CCDC167: variants seen among roughly 807,000 people sequenced by gnomAD.
CCDC167 encodes the protein coiled-coil domain containing 167, also known as coiled-coil domain-containing protein 167.
Under a neutral mutation model 12.7 loss-of-function variants are expected in CCDC167, and 15 were observed. The observed-to-expected ratio is 1.18, with a 90% confidence interval of 0.79 to 1.81. The LOEUF (loss-of-function observed/expected upper bound fraction) is 1.81, where lower values mean the gene tolerates loss of function less well. Ranked by LOEUF, CCDC167 falls within the 40% of genes most tolerant of loss-of-function variation. CCDC167 has a pLI of 0.00. For missense variants in CCDC167, 121 were observed against 120.1 expected, an observed-to-expected ratio of 1.01 and a Z score of -0.03; for synonymous variants, 52 against 49.0, an observed-to-expected ratio of 1.06 and a Z score of -0.26.
intron 1 of CCDC167, among the ~76,000 whole-genome samples, chr6:37,494,215 AC>A (rs941617399): frequency 8.6e-5 from 13 of 151,504 alleles, no homozygotes; most frequent in African/African-American, 3.1e-4. Context: ...ACAGGCATGT[AC>A]CCCCATGCCT....
At chr6:37,485,608 TAGAGTGGCGG>T (rs1344780700) in intron 1 of CCDC167, among the ~76,000 whole-genome samples, 1 of 152,238 alleles carries the variant, frequency 6.6e-6, no homozygotes, top group Non-Finnish European at 1.5e-5. Flanking sequence ...GGGCGTATCC[TAGAGTGGCGG>T]AGATGCTGTG....
At position 37,483,065 on chromosome 6, in the gene CCDC167, GA is replaced by G; in HGVS notation, c.*120del. Reference sequence around the variant, plus strand: ...CCTGGGCCGCCAGGAAGCCATGCTTGAACACTAGGTTGGGAGGGGAACACCC... The same window carrying G: ...CCTGGGCCGCCAGGAAGCCATGCTTGACACTAGGTTGGGAGGGGAACACCC... On this transcript the variant is annotated 3_prime_UTR_variant, in exon 4 of 4. Transcript: ENST00000373408. The G allele has an allele frequency of 1.2e-6, 1 of 827,120 alleles. No individual in the cohort carries two copies. The highest frequency in any genetic ancestry group is 2.1e-6 in the Non-Finnish European group (1 of 480,080). 51.2% of individuals were successfully genotyped at this position (827,120 alleles called of 1,614,324 possible). A position where few individuals can be genotyped will look rare whatever the true frequency, so the allele number is the denominator to read the frequency against.
At chr6:37,497,340 G>C (rs934754932) in intron 1 of CCDC167, among the ~76,000 whole-genome samples, 6 of 152,150 alleles carry the variant, frequency 3.9e-5, no homozygotes, top group Admixed American at 1.3e-4. Context: ...GTGTGATTCT[G>C]TTTAAAGTGA....
chr6:37,495,250 G>A (rs1168430620), intron 1 of CCDC167, among the ~76,000 whole-genome samples: 1 of 152,106 alleles, frequency 6.6e-6, no homozygotes, highest in East Asian at 1.9e-4. Flanking sequence ...TTAGGATACC[G>A]GCTAAGACAC....
In CCDC167 at chr6:37,494,033, C is replaced by T. The variant is rs570460729; in HGVS notation, c.42+5789G>A. Among the ~76,000 whole-genome samples, 74 of 148,540 alleles carry T rather than the reference C, an allele frequency of 5.0e-4. 1 individual carries two copies. Among genetic ancestry groups the T allele is most frequent in the African/African-American group, 1.8e-3 (71 of 40,206 alleles). ...GCCATTCTCTCCCCTCAGCCTACCACTTCTCATGGTCAGTGATCCTGCCTT... is the reference window on the plus strand; with the variant it reads ...GCCATTCTCTCCCCTCAGCCTACCATTTCTCATGGTCAGTGATCCTGCCTT... On this transcript the variant is annotated intron_variant, in intron 1 of 3. Transcript: ENST00000373408.
intron 1 of CCDC167, among the ~76,000 whole-genome samples, chr6:37,488,199 G>A (rs1234317331): frequency 6.6e-6 from 1 of 152,240 alleles, no homozygotes. Context: ...GACTCCAGGG[G>A]ACCTGGCTGC....
At chr6:37,498,205 C>T (rs1762121151) in intron 1 of CCDC167, among the ~76,000 whole-genome samples, 1 of 152,146 alleles carries the variant, frequency 6.6e-6, no homozygotes, top group South Asian at 2.1e-4. Flanking sequence ...GAGACCATGT[C>T]TCTTCTAAAA....
intron 1 of CCDC167, among the ~76,000 whole-genome samples, chr6:37,498,950 G>A (rs1762131541): frequency 6.6e-6 from 1 of 152,172 alleles, no homozygotes; most frequent in Admixed American, 6.5e-5. Flanking sequence ...GCTAAAGTTT[G>A]AGAATCACTG....
chr6:37,486,902 A>G (rs1201435742), intron 1 of CCDC167, among the ~76,000 whole-genome samples: 1 of 152,066 alleles, frequency 6.6e-6, no homozygotes, highest in Non-Finnish European at 1.5e-5. Flanking sequence ...CCAGCCCCTC[A>G]GTACCCTGAG....
intron 1 of CCDC167, among the ~76,000 whole-genome samples, chr6:37,491,501 G>A (rs753372385): frequency 3.3e-5 from 5 of 152,198 alleles, no homozygotes; most frequent in Non-Finnish European, 7.3e-5. Flanking sequence ...GCCAGCGAGT[G>A]ACAGGTTTGC....
chr6:37,492,937 G>A (rs1005550724), intron 1 of CCDC167, among the ~76,000 whole-genome samples: 5 of 152,174 alleles, frequency 3.3e-5, no homozygotes, highest in African/African-American at 1.2e-4. Context: ...CATCGTTTAA[G>A]GGATGTTTTT....
chr6:37,497,384 C>G (rs1561800765), intron 1 of CCDC167, among the ~76,000 whole-genome samples: 2 of 152,180 alleles, frequency 1.3e-5, no homozygotes, highest in Non-Finnish European at 2.9e-5. Context: ...TTCATTAACA[C>G]TGGACTCACA....
In CCDC167 at chr6:37,484,226, G is replaced by A. The variant is rs1008944758; in HGVS notation, c.190+584C>T. Among the ~76,000 whole-genome samples the A allele has an allele frequency of 9.8e-5, 15 of 152,312 alleles. No homozygotes were observed. In the East Asian group the frequency reaches 2.9e-3, roughly 29 times the overall value. On this transcript the variant is annotated intron_variant, in intron 3 of 3. Coordinates refer to ENST00000373408, the MANE Select transcript of CCDC167 (RefSeq NM_138493.3). ...TTCATGGCCAGGCCTGGTCCCCCAG[G>A]GGAGAACAGAACCGACAAGTCTGAG...
intron 3 of CCDC167, 121 bp downstream of exon 3, chr6:37,484,689 C>G: frequency 9.0e-7 from 1 of 1,114,184 alleles, no homozygotes; most frequent in Non-Finnish European, 1.4e-6. Context: ...CCTCTGGGGG[C>G]TGGTTCCCTC....
chr6:37,485,226 C>T (rs371107364), intron 1 of CCDC167, 32 bp from the exon 2 acceptor site: 25 of 1,545,884 alleles, frequency 1.6e-5, no homozygotes, highest in South Asian at 1.1e-4. Flanking sequence ...GGTGGGCTGC[C>T]GAGGCTTCTA....
At chr6:37,495,794 C>T (rs1762089999) in intron 1 of CCDC167, among the ~76,000 whole-genome samples, 2 of 152,122 alleles carry the variant, frequency 1.3e-5, no homozygotes, top group Admixed American at 6.5e-5. Flanking sequence ...TTATTGCACT[C>T]GTCAGATTAA....
intron 1 of CCDC167, among the ~76,000 whole-genome samples, chr6:37,491,968 G>A (rs1004412724): frequency 1.3e-5 from 2 of 152,210 alleles, no homozygotes; most frequent in African/African-American, 4.8e-5. Context: ...GCGCTCATCA[G>A]CTCTGAGGGA....
intron 1 of CCDC167, among the ~76,000 whole-genome samples, chr6:37,491,250 C>G (rs1040239937): frequency 1.3e-5 from 2 of 152,182 alleles, no homozygotes; most frequent in African/African-American, 2.4e-5. Flanking sequence ...CGAGACAGTT[C>G]GAGCCACAGG....
rs529423457 is a variant in CCDC167 at position 37,493,643 on chromosome 6, C to G, written c.42+6179G>C. On this transcript the variant is annotated intron_variant, in intron 1 of 3. Transcript: ENST00000373408. ...CCCCTGAACAGTCCTCTGCGTGCTG[C>G]GAGCCTTTCTCCCAGCCCCTGGCTT... Among the ~76,000 whole-genome samples the G allele has an allele frequency of 5.3e-5, 8 of 152,352 alleles. No individual in the cohort carries two copies. The South Asian group carries it at 1.0e-3, about 20-fold the overall frequency.
Sources: allele counts gnomAD v4.1 joint callset (sites outside exome capture counted in the v4.1 genomes callset), GRCh38; gene constraint gnomAD v4.1.1; transcripts MANE v1.5; gene names NCBI Gene and HGNC (gene_info 2026-07-23, HGNC 2026-07-21).